ASAP1: variants seen among roughly 807,000 people sequenced by gnomAD.
ASAP1 encodes the protein ArfGAP with SH3 domain, ankyrin repeat and PH domain 1, also known as arf-GAP with SH3 domain, ANK repeat and PH domain-containing protein 1.
Under a neutral mutation model 145.2 loss-of-function variants are expected in ASAP1, and 43 were observed. The ratio of observed to expected loss-of-function variants is 0.30; its 90% CI spans 0.23 to 0.38. ASAP1 has a LOEUF of 0.38. Among genes scored for constraint, ASAP1 ranks in the 10% least tolerant of loss-of-function variants. ASAP1 has a pLI of 1.00. For synonymous variants in ASAP1, 546 were observed against 515.5 expected (o/e 1.06, Z -0.80); for missense variants, 1,018 against 1,355.3 (o/e 0.75, Z 3.91).
intron 2 of ASAP1, among the ~76,000 whole-genome samples, chr8:130,398,197 A>T (rs778191020): frequency 2.0e-5 from 3 of 152,230 alleles, no homozygotes; most frequent in Non-Finnish European, 4.4e-5. Context: ...GAACTTTTAC[A>T]CTAATGAAAC....
intron 9 of ASAP1, 77 bp downstream of exon 9, chr8:130,179,186 TG>T (rs1565056851): frequency 2.4e-6 from 2 of 842,924 alleles, no homozygotes; most frequent in Non-Finnish European, 3.8e-6. Flanking sequence ...AGAAAAGATA[TG>T]AAGAGGATTA....
chr8:130,086,686 C>T (rs1481166053), intron 25 of ASAP1, among the ~76,000 whole-genome samples: 3 of 152,140 alleles, frequency 2.0e-5, no homozygotes, highest in Admixed American at 6.5e-5. Flanking sequence ...CACCTGTAGT[C>T]CCAGCTACTC....
chr8:130,182,531 C>T (rs1814426914), intron 7 of ASAP1, among the ~76,000 whole-genome samples: 1 of 152,154 alleles, frequency 6.6e-6, no homozygotes, highest in Non-Finnish European at 1.5e-5. Flanking sequence ...AAAAGAGCTG[C>T]CTTCACATCC....
At chr8:130,250,898 T>C (rs1169471144) in intron 3 of ASAP1, among the ~76,000 whole-genome samples, 1 of 152,108 alleles carries the variant, frequency 6.6e-6, no homozygotes, top group African/African-American at 2.4e-5. Flanking sequence ...ATTTGGAAAA[T>C]ACTACATTCT....
At chr8:130,056,249 G>A (rs572558346) in intron 29 of ASAP1, among the ~76,000 whole-genome samples, 2 of 152,344 alleles carry the variant, frequency 1.3e-5, no homozygotes, top group African/African-American at 4.8e-5. Flanking sequence ...ATTCACGTGG[G>A]GGGGCTTCAG....
At chr8:130,155,232 T>C (rs145423303) in intron 12 of ASAP1, among the ~76,000 whole-genome samples, 1 of 152,188 alleles carries the variant, frequency 6.6e-6, no homozygotes, top group Non-Finnish European at 1.5e-5. Context: ...CTTCTGCTGC[T>C]AATAAAGCCA....
intron 3 of ASAP1, among the ~76,000 whole-genome samples, chr8:130,293,454 C>A (rs1273443515): frequency 2.0e-5 from 3 of 152,214 alleles, no homozygotes; most frequent in Non-Finnish European, 4.4e-5. Context: ...CTTCCTGAAA[C>A]CAAACTGCCT....
intron 12 of ASAP1, among the ~76,000 whole-genome samples, chr8:130,154,932 A>G (rs1370799963): frequency 6.6e-6 from 1 of 152,210 alleles, no homozygotes; most frequent in African/African-American, 2.4e-5. Context: ...GCATCTCTCA[A>G]CTAATCAGAG....
At chr8:130,064,909 G>T (rs1418513491) in intron 27 of ASAP1, among the ~76,000 whole-genome samples, 1 of 133,652 alleles carries the variant, frequency 7.5e-6, no homozygotes, top group Non-Finnish European at 1.8e-5. Flanking sequence ...GTGTGTGTGT[G>T]TGTGTGTGTG....
At chr8:130,401,455 G>A (rs1828792457) in intron 2 of ASAP1, among the ~76,000 whole-genome samples, 1 of 152,090 alleles carries the variant, frequency 6.6e-6, no homozygotes, top group Admixed American at 6.6e-5. Flanking sequence ...ATGTTGGTCA[G>A]GCTGGTTTCG....
chr8:130,367,083 G>C (rs1228524583), intron 2 of ASAP1, among the ~76,000 whole-genome samples: 1 of 151,474 alleles, frequency 6.6e-6, no homozygotes, highest in African/African-American at 2.4e-5. Context: ...GTAGAGACGG[G>C]GTTTCACCAT....
chr8:130,055,355 C>T (rs1280985660), intron 29 of ASAP1, among the ~76,000 whole-genome samples: 1 of 150,114 alleles, frequency 6.7e-6, no homozygotes, highest in Non-Finnish European at 1.5e-5. Context: ...AATCCCAGTA[C>T]TATTACCTAT....
At chr8:130,056,407 G>A (rs1040495888) in intron 29 of ASAP1, among the ~76,000 whole-genome samples, 1 of 152,312 alleles carries the variant, frequency 6.6e-6, no homozygotes, top group Admixed American at 6.5e-5. Flanking sequence ...TGGTGCTACT[G>A]GCATCCTTGC....
intron 2 of ASAP1, among the ~76,000 whole-genome samples, chr8:130,392,879 G>A (rs1320067139): frequency 6.6e-6 from 1 of 152,052 alleles, no homozygotes; most frequent in Non-Finnish European, 1.5e-5. Context: ...TGAGGGATCC[G>A]CCTCCATGAC....
intron 3 of ASAP1, among the ~76,000 whole-genome samples, chr8:130,318,678 T>G (rs1586820664): frequency 6.6e-6 from 1 of 152,312 alleles, no homozygotes; most frequent in East Asian, 1.9e-4. Context: ...ATCACCTCCT[T>G]TTACAGTTAG....
chr8:130,434,444 C>T (rs577577143), intron 1 of ASAP1, among the ~76,000 whole-genome samples: 2 of 152,244 alleles, frequency 1.3e-5, no homozygotes, highest in Admixed American at 6.5e-5. Flanking sequence ...TTAGAAATAG[C>T]GCCTATTTCA....
At chr8:130,076,030 T>C (rs1397506402) in intron 27 of ASAP1, among the ~76,000 whole-genome samples, 3 of 152,216 alleles carry the variant, frequency 2.0e-5, no homozygotes, top group African/African-American at 4.8e-5. Flanking sequence ...TACTAAGTGG[T>C]AGAGCTGGTG....
At chr8:130,263,993 G>GTA (rs1820095279) in intron 3 of ASAP1, among the ~76,000 whole-genome samples, 1 of 152,170 alleles carries the variant, frequency 6.6e-6, no homozygotes, top group Admixed American at 6.5e-5. Flanking sequence ...TGACAACTTA[G>GTA]GTTCTAGCCC....
chr8:130,147,782 A>T (rs1183861842), intron 13 of ASAP1, among the ~76,000 whole-genome samples: 1 of 152,206 alleles, frequency 6.6e-6, no homozygotes, highest in African/African-American at 2.4e-5. Flanking sequence ...GTGGACACAC[A>T]CACATTATCT....
Sources: gnomAD v4.1 joint callset for allele counts (sites outside exome capture counted in the v4.1 genomes callset) on GRCh38, gnomAD v4.1.1 for gene constraint, MANE v1.5 for transcripts, NCBI Gene and HGNC (gene_info 2026-07-23, HGNC 2026-07-21) for gene names.